SLCO4C1: variants seen among roughly 807,000 people sequenced by gnomAD.
SLCO4C1 encodes organic anion transporter M1.
A neutral mutation model predicts 72.1 loss-of-function variants in SLCO4C1; 58 were observed. The observed-to-expected ratio is 0.80, with a 90% CI of 0.65 to 1.00. The LOEUF (loss-of-function observed/expected upper bound fraction) is 1.00. SLCO4C1 is among the 50% of genes least tolerant of loss of function. The pLI is 0.00. For missense variants in SLCO4C1, 898 were observed against 857.9 expected, an observed-to-expected ratio of 1.05 and a Z score of -0.58; for synonymous variants, 297 against 312.5, an observed-to-expected ratio of 0.95 and a Z score of 0.52.
chr5:102,252,041 A>G (rs962239312), intron 8 of SLCO4C1, among the ~76,000 whole-genome samples: 11 of 151,130 alleles, frequency 7.3e-5, no homozygotes, highest in African/African-American at 2.7e-4. Context: ...GGGAAGAAGG[A>G]AGGGAGAAAA....
intron 1 of SLCO4C1, 42 bp downstream of exon 1, chr5:102,295,866 G>T (rs1309479122): frequency 1.3e-6 from 2 of 1,550,712 alleles, no homozygotes; most frequent in Admixed American, 1.8e-5. Flanking sequence ...TGCCCACCTC[G>T]CTCTCCACTG....
Position 102,249,672 on chromosome 5 carries a change from C to T in SLCO4C1, c.1586G>A (p.Gly529Asp). Reference sequence around the variant, plus strand: ...CCTGTGTGCAACTGGGTTTGAACAGCCTGCAAAGCAGGGAGAAAAATATTG... The same window carrying T: ...CCTGTGTGCAACTGGGTTTGAACAGTCTGCAAAGCAGGGAGAAAAATATTG... ...GVQYFSPCFA[G>D]CSNPVAHRKP... Residue 529 changes from glycine (G) to aspartate (D), a missense_variant, in exon 9 of 13, where the codon GGC becomes GAC. Coordinates refer to ENST00000310954, the MANE Select transcript of SLCO4C1 (RefSeq NM_180991.5). 1 of 1,613,786 alleles carries T rather than the reference C, an allele frequency of 6.2e-7. No individual in the cohort carries two copies. Among genetic ancestry groups the T allele is most frequent in the Non-Finnish European group, 8.5e-7 (1 of 1,179,886 alleles).
At chr5:102,274,882 C>T (rs1290511986) in intron 2 of SLCO4C1, among the ~76,000 whole-genome samples, 2 of 151,978 alleles carry the variant, frequency 1.3e-5, no homozygotes, top group Non-Finnish European at 2.9e-5. Flanking sequence ...TTGACCACCC[C>T]GAGTCTAAAC....
chr5:102,242,169 TCTC>T (rs1469666781), intron 10 of SLCO4C1, among the ~76,000 whole-genome samples: 1 of 152,148 alleles, frequency 6.6e-6, no homozygotes, highest in Non-Finnish European at 1.5e-5. Context: ...CAGAGGTTAA[TCTC>T]CTATGCAGCA....
intron 9 of SLCO4C1, among the ~76,000 whole-genome samples, chr5:102,248,488 A>T (rs1332158052): frequency 1.3e-5 from 2 of 152,046 alleles, no homozygotes; most frequent in African/African-American, 4.8e-5. Flanking sequence ...AATAACAAAA[A>T]CTATTTTAAG....
chr5:102,278,904 T>A (rs1749303597), intron 2 of SLCO4C1, among the ~76,000 whole-genome samples: 1 of 150,298 alleles, frequency 6.7e-6, no homozygotes, highest in Admixed American at 6.6e-5. Context: ...AAAAATAAAA[T>A]CAATAATCTA....
At chr5:102,267,814 A>G (rs1423335066) in intron 3 of SLCO4C1, among the ~76,000 whole-genome samples, 1 of 151,752 alleles carries the variant, frequency 6.6e-6, no homozygotes, top group African/African-American at 2.4e-5. Context: ...TGTATTTCTA[A>G]TTTCATGTAA....
chr5:102,272,189 T>C (rs1439725787), intron 2 of SLCO4C1, among the ~76,000 whole-genome samples: 1 of 152,184 alleles, frequency 6.6e-6, no homozygotes, highest in Non-Finnish European at 1.5e-5. Flanking sequence ...CAGCATTCTA[T>C]TGCATTAACC....
intron 10 of SLCO4C1, among the ~76,000 whole-genome samples, chr5:102,246,263 T>G (rs967296994): frequency 1.3e-5 from 2 of 151,772 alleles, no homozygotes; most frequent in African/African-American, 4.8e-5. Context: ...ACCTTTAGCC[T>G]GACTAAGAAA....
intron 2 of SLCO4C1, among the ~76,000 whole-genome samples, chr5:102,281,855 A>G (rs1258297641): frequency 6.6e-6 from 1 of 152,124 alleles, no homozygotes; most frequent in Non-Finnish European, 1.5e-5. Context: ...GCAGTTTCTC[A>G]AAAAACTAAA....
chr5:102,245,692 A>G (rs1375583978), intron 10 of SLCO4C1, among the ~76,000 whole-genome samples: 1 of 152,198 alleles, frequency 6.6e-6, no homozygotes, highest in Non-Finnish European at 1.5e-5. Flanking sequence ...GACCAAATGG[A>G]TCTAATAGAT....
chr5:102,295,386 A>T (rs554669645), intron 1 of SLCO4C1, among the ~76,000 whole-genome samples: 2 of 152,212 alleles, frequency 1.3e-5, no homozygotes, highest in Admixed American at 6.5e-5. Flanking sequence ...CAAACTAAAT[A>T]CACTCACAAA....
At chr5:102,281,232 G>A (rs1749350720) in intron 2 of SLCO4C1, among the ~76,000 whole-genome samples, 1 of 152,094 alleles carries the variant, frequency 6.6e-6, no homozygotes, top group African/African-American at 2.4e-5. Context: ...TGGAGCTAGA[G>A]CAAATGGACA....
intron 1 of SLCO4C1, among the ~76,000 whole-genome samples, chr5:102,294,361 A>C (rs986228052): frequency 2.0e-5 from 3 of 152,158 alleles, no homozygotes; most frequent in African/African-American, 7.2e-5. Flanking sequence ...GGTCACTATT[A>C]TCTCAGATTA....
intron 2 of SLCO4C1, among the ~76,000 whole-genome samples, chr5:102,285,755 G>A (rs1209093138): frequency 6.6e-6 from 1 of 151,974 alleles, no homozygotes; most frequent in East Asian, 1.9e-4. Flanking sequence ...CACCATTATA[G>A]CTTCTAATCT....
chr5:102,271,315 A>G (rs888906408), intron 2 of SLCO4C1, among the ~76,000 whole-genome samples: 3 of 151,246 alleles, frequency 2.0e-5, no homozygotes, highest in African/African-American at 7.3e-5. Context: ...GTATTTAATA[A>G]TAAATATTAT....
intron 10 of SLCO4C1, among the ~76,000 whole-genome samples, chr5:102,241,542 A>G (rs1026018942): frequency 2.0e-4 from 30 of 152,182 alleles, no homozygotes; most frequent in African/African-American, 7.0e-4. Context: ...TTAACCAAAG[A>G]GGTAAAATAC....
intron 2 of SLCO4C1, among the ~76,000 whole-genome samples, chr5:102,290,118 C>G (rs1361089810): frequency 6.6e-6 from 1 of 152,206 alleles, no homozygotes; most frequent in Non-Finnish European, 1.5e-5. Flanking sequence ...TAGTGAGGGC[C>G]TCTAGCTGCT....
At position 102,249,754 on chromosome 5, in the gene SLCO4C1, T is replaced by A; in HGVS notation, c.1504A>T (p.Asn502Tyr). Residue 502 changes from asparagine (N) to tyrosine (Y), a missense_variant, in exon 9 of 13, where the codon AAT becomes TAT. Asn to Tyr is a moderately radical substitution (Grantham distance 143). Transcript: ENST00000310954. ...GELGNLIAPC[N>Y]ANCNCSRSYY... is the part of the protein sequence containing the mutation. ...GATCGCGAACAGTTACAATTGGCAT[T>A]ACAAGGGGCTATCAAGTTTCCCAAT... 1.2e-6 allele frequency: 2 copies of A among 1,613,874 alleles called. No individual in the cohort carries two copies. Among genetic ancestry groups the A allele is most frequent in the Non-Finnish European group, 1.7e-6 (2 of 1,179,908 alleles).
Sources: allele counts gnomAD v4.1 joint callset (sites outside exome capture counted in the v4.1 genomes callset), GRCh38; gene constraint gnomAD v4.1.1; transcripts MANE v1.5; gene names NCBI Gene and HGNC (gene_info 2026-07-23, HGNC 2026-07-21).